Variants in HMBOX1 observed in about 807,000 individuals in gnomAD.
HMBOX1 encodes homeobox-containing protein 1.
A neutral mutation model predicts 54.5 loss-of-function variants in HMBOX1; 14 were observed. That is an observed-to-expected ratio of 0.26 (90% CI 0.17 to 0.40). The LOEUF (loss-of-function observed/expected upper bound fraction) is 0.40, where lower values mean the gene tolerates loss of function less well. Ranked by LOEUF, HMBOX1 falls within the 10% of genes least tolerant of loss-of-function variation. HMBOX1 has a pLI of 1.00. For synonymous variants in HMBOX1, 160 were observed against 181.0 expected (o/e 0.88, Z 0.93); for missense variants, 332 against 514.4 (o/e 0.65, Z 3.43).
At chr8:28,987,597 G>A (rs1162005830) in intron 4 of HMBOX1, among the ~76,000 whole-genome samples, 2 of 152,174 alleles carry the variant, frequency 1.3e-5, no homozygotes, top group Non-Finnish European at 2.9e-5. Flanking sequence ...CCTTTATGCA[G>A]TAAAGAATTA....
At chr8:28,946,581 A>T (rs4732659) in intron 1 of HMBOX1, among the ~76,000 whole-genome samples, 92,748 of 150,786 alleles carry the variant, frequency 0.62, 28,805 homozygotes, top group East Asian at 0.7. Context: ...AAAAAAAAAA[A>T]ATATATACAA....
At chr8:28,932,511 T>C (rs1303229933) in intron 1 of HMBOX1, among the ~76,000 whole-genome samples, 1 of 152,206 alleles carries the variant, frequency 6.6e-6, no homozygotes, top group Admixed American at 6.5e-5. Flanking sequence ...TTTTTTTTCT[T>C]TTTACTTTCG....
intron 4 of HMBOX1, among the ~76,000 whole-genome samples, chr8:28,981,436 C>G (rs934930246): frequency 2.0e-5 from 3 of 152,134 alleles, no homozygotes; most frequent in Non-Finnish European, 4.4e-5. Context: ...GTTCTTAATG[C>G]AATGTAAGGA....
chr8:28,899,548 A>G (rs1204731720), intron 1 of HMBOX1, among the ~76,000 whole-genome samples: 5 of 152,232 alleles, frequency 3.3e-5, no homozygotes, highest in Non-Finnish European at 7.3e-5. Flanking sequence ...TTGAGTCTGT[A>G]GTAGTGAGCA....
At chr8:28,964,013 A>G in intron 2 of HMBOX1, 123 bp downstream of exon 2, 1 of 662,702 alleles carries the variant, frequency 1.5e-6, no homozygotes, top group Admixed American at 2.5e-5. Context: ...TTTTTTAGAA[A>G]ATGAATCAAA....
intron 1 of HMBOX1, among the ~76,000 whole-genome samples, chr8:28,960,003 C>T (rs145395300): frequency 4.5e-4 from 68 of 151,826 alleles, no homozygotes; most frequent in Admixed American, 9.8e-4. Flanking sequence ...CTGAATCTTA[C>T]CAGTTTTTTT....
At chr8:29,012,061 A>G (rs1014914001) in intron 5 of HMBOX1, among the ~76,000 whole-genome samples, 4 of 152,376 alleles carry the variant, frequency 2.6e-5, no homozygotes, top group Admixed American at 2.6e-4. Context: ...ATAAGAGGGT[A>G]AGTTCGTAAT....
At chr8:28,992,077 A>G (rs1461595678) in intron 4 of HMBOX1, among the ~76,000 whole-genome samples, 3 of 152,228 alleles carry the variant, frequency 2.0e-5, no homozygotes, top group Non-Finnish European at 2.9e-5. Context: ...TGTTCTTTAC[A>G]TAGCAATTTG....
chr8:29,010,481 G>A (rs1284017971), intron 5 of HMBOX1, among the ~76,000 whole-genome samples: 3 of 151,946 alleles, frequency 2.0e-5, no homozygotes, highest in East Asian at 1.9e-4. Flanking sequence ...GCTTTAACTC[G>A]GGAGACAGAG....
chr8:29,009,390 ACT>A (rs1833912193), intron 5 of HMBOX1: 1 of 878,058 alleles, frequency 1.1e-6, no homozygotes, highest in East Asian at 1.2e-4. Flanking sequence ...AGTCATATTC[ACT>A]CCTTCCCCTA....
chr8:29,023,328 G>A (rs1026661008), intron 6 of HMBOX1, among the ~76,000 whole-genome samples: 6 of 152,148 alleles, frequency 3.9e-5, no homozygotes, highest in African/African-American at 7.2e-5. Flanking sequence ...TATTTAAAGT[G>A]TACAATTTAA....
At chr8:28,985,585 T>C (rs540428444) in intron 4 of HMBOX1, among the ~76,000 whole-genome samples, 5 of 152,312 alleles carry the variant, frequency 3.3e-5, no homozygotes, top group East Asian at 3.9e-4. Flanking sequence ...ACATAAGAAT[T>C]TGTGTAAAGA....
intron 1 of HMBOX1, among the ~76,000 whole-genome samples, chr8:28,961,523 G>A (rs1825590755): frequency 1.3e-5 from 2 of 152,116 alleles, no homozygotes; most frequent in Non-Finnish European, 2.9e-5. Flanking sequence ...TCATGTTTTT[G>A]TGTCAGAGTT....
At chr8:29,028,617 G>A (rs1267136827) in intron 6 of HMBOX1, among the ~76,000 whole-genome samples, 1 of 152,126 alleles carries the variant, frequency 6.6e-6, no homozygotes, top group Non-Finnish European at 1.5e-5. Flanking sequence ...TGCAGTCTGG[G>A]TGTGGTTCAG....
At chr8:28,921,821 G>C (rs1817615859) in intron 1 of HMBOX1, among the ~76,000 whole-genome samples, 1 of 152,190 alleles carries the variant, frequency 6.6e-6, no homozygotes, top group Non-Finnish European at 1.5e-5. Flanking sequence ...TCTATCACTT[G>C]AGTAGCTTCT....
In HMBOX1 at chr8:29,033,025, A is replaced by G. The variant is rs376326630; in HGVS notation, c.852-12336A>G. ...AGTGTTGTTTTCCTTAGAACATTAT[A>G]TCATTCTCATCCATTAAAAAAACAT... On this transcript the variant is annotated intron_variant, in intron 6 of 9. Transcript: ENST00000287701. Among the ~76,000 whole-genome samples, 6 of 152,290 alleles carry G rather than the reference A, an allele frequency of 3.9e-5. No homozygotes were observed. The East Asian group carries it at 9.7e-4, about 24-fold the overall frequency.
chr8:28,963,003 G>A (rs187986338), intron 1 of HMBOX1, among the ~76,000 whole-genome samples: 14 of 152,156 alleles, frequency 9.2e-5, no homozygotes, highest in African/African-American at 3.1e-4. Context: ...ATTTGAGCAG[G>A]TAGTGAAAAA....
rs1430457946 is a variant in HMBOX1, at chr8:29,052,408, T to C, written c.*1253T>C. ...TTTATTTAATAATTGGAAGCCATATTGATAATGGATGTGGTAATATTTGTA... is the reference window on the plus strand; with the variant it reads ...TTTATTTAATAATTGGAAGCCATATCGATAATGGATGTGGTAATATTTGTA... On this transcript the variant is annotated 3_prime_UTR_variant, in exon 10 of 10. Coordinates refer to ENST00000287701, the MANE Select transcript of HMBOX1 (RefSeq NM_001135726.3). 1 of 152,260 alleles carries C rather than the reference T, an allele frequency of 6.6e-6. No individual in the cohort carries two copies. Among genetic ancestry groups the C allele is most frequent in the African/African-American group, 2.4e-5 (1 of 41,472 alleles). The allele number at this position is 152,260 out of a possible 1,614,324, so 9.4% of individuals were successfully genotyped here. A position where few individuals can be genotyped will look rare whatever the true frequency, so the allele number is the denominator to read the frequency against.
At chr8:28,964,908 C>A (rs1826190329) in intron 2 of HMBOX1, among the ~76,000 whole-genome samples, 1 of 152,210 alleles carries the variant, frequency 6.6e-6, no homozygotes, top group Non-Finnish European at 1.5e-5. Context: ...TATTTTCAAT[C>A]TATCAGCCTT....
Sources: allele counts gnomAD v4.1 joint callset (sites outside exome capture counted in the v4.1 genomes callset), GRCh38; gene constraint gnomAD v4.1.1; transcripts MANE v1.5; gene names NCBI Gene and HGNC (gene_info 2026-07-23, HGNC 2026-07-21).